Variants in SLC24A2 observed in about 807,000 individuals in gnomAD.
The protein encoded by SLC24A2 is sodium/potassium/calcium exchanger 2.
SLC24A2 carries 36 observed loss-of-function variants against 62.0 expected under a neutral mutation model. That is an observed-to-expected ratio of 0.58 (90% confidence interval 0.44 to 0.77). The LOEUF is 0.77. Among genes scored for constraint, SLC24A2 ranks in the 30% least tolerant of loss-of-function variants. The probability of loss-of-function intolerance (pLI) is 0.00; values close to 1 mark genes in which losing one functional copy is unlikely to be tolerated. For missense variants in SLC24A2, 846 were observed against 817.9 expected (o/e 1.03, Z -0.42); for synonymous variants, 358 against 294.0 (o/e 1.22, Z -2.23).
chr9:19,534,853 T>G (rs940290130), intron 8 of SLC24A2, among the ~76,000 whole-genome samples: 1 of 152,232 alleles, frequency 6.6e-6, no homozygotes, highest in East Asian at 1.9e-4. Context: ...GAATGATTTA[T>G]AATCCTTTGG....
At chr9:20,061,434 G>C in the SLC24A2 span, among the ~76,000 whole-genome samples, 1 of 152,098 alleles carries the variant, frequency 6.6e-6, no homozygotes, top group Non-Finnish European at 1.5e-5. Flanking sequence ...TTACAGGCAT[G>C]TGCCACCATG....
the SLC24A2 span, among the ~76,000 whole-genome samples, chr9:19,835,410 G>A: frequency 7.0e-6 from 1 of 143,276 alleles, no homozygotes; most frequent in Non-Finnish European, 1.6e-5. Flanking sequence ...AACAAAAAAA[G>A]GCAGGGGTTC....
chr9:19,786,545 C>T lies in SLC24A2; in HGVS notation c.322G>A (p.Glu108Lys), dbSNP rs148865349. The change falls in exon 2 of 11, where the codon GAG (glutamate) becomes AAG (lysine). Residue 108 changes from glutamate (E) to lysine (K), a missense_variant. By Grantham distance (56) the Glu-to-Lys change is moderately conservative. Transcript: ENST00000341998. The surrounding 1 kb of genome is among the most constrained non-coding windows in gnomAD (Gnocchi z 5.0). ...TPQPPLSKEGESENSTDHAQG... is the reference protein window; with the variant it reads ...TPQPPLSKEGKSENSTDHAQG... ...GCGTGATCTGTACTATTCTCAGACT[C>T]GCCTTCCTTAGAAAGAGGTGGCTGT... 94 of 1,614,056 alleles carry T rather than the reference C, an allele frequency of 5.8e-5. No homozygotes were observed. The highest frequency in any genetic ancestry group is 7.5e-5 in the Non-Finnish European group (88 of 1,180,034).
chr9:20,017,880 A>G, the SLC24A2 span, among the ~76,000 whole-genome samples: 1 of 152,168 alleles, frequency 6.6e-6, no homozygotes, highest in Non-Finnish European at 1.5e-5. Flanking sequence ...TGCCTCTCCC[A>G]ATCCACTGAC....
the SLC24A2 span, among the ~76,000 whole-genome samples, chr9:19,899,816 C>T: frequency 6.6e-6 from 1 of 152,126 alleles, no homozygotes; most frequent in African/African-American, 2.4e-5. Flanking sequence ...GGAAAAGCCC[C>T]TTATAAAACC....
At chr9:19,854,035 G>T in the SLC24A2 span, among the ~76,000 whole-genome samples, 2 of 152,124 alleles carry the variant, frequency 1.3e-5, no homozygotes, top group Non-Finnish European at 2.9e-5. Flanking sequence ...TCTTGGGAGG[G>T]TGTATGTGTC....
the SLC24A2 span, among the ~76,000 whole-genome samples, chr9:20,035,070 C>A: frequency 6.6e-6 from 1 of 151,980 alleles, no homozygotes; most frequent in Admixed American, 6.5e-5. Flanking sequence ...ATTATACTTA[C>A]AGAAATTGAG....
chr9:20,207,531 C>A, the SLC24A2 span, among the ~76,000 whole-genome samples: 1 of 152,196 alleles, frequency 6.6e-6, no homozygotes, highest in African/African-American at 2.4e-5. Flanking sequence ...CTATCCATAT[C>A]TTTTTCATTG....
intron 2 of SLC24A2, among the ~76,000 whole-genome samples, chr9:19,727,365 C>T (rs911107969): frequency 5.3e-5 from 8 of 152,086 alleles, no homozygotes; most frequent in South Asian, 2.1e-4. Context: ...CACATTAAGC[C>T]GGTGATCATT....
At chr9:19,524,715 CT>C (rs960646960) in intron 9 of SLC24A2, among the ~76,000 whole-genome samples, 4 of 152,108 alleles carry the variant, frequency 2.6e-5, no homozygotes, top group Non-Finnish European at 5.9e-5. Context: ...AAAAGTAAGG[CT>C]TCCATTTATG....
chr9:20,002,112 T>C, the SLC24A2 span, among the ~76,000 whole-genome samples: 1 of 152,184 alleles, frequency 6.6e-6, no homozygotes, highest in Non-Finnish European at 1.5e-5. Context: ...TCCACAAGGA[T>C]TGTTTTAGTA....
intron 2 of SLC24A2, among the ~76,000 whole-genome samples, chr9:19,694,515 C>A (rs377551663): frequency 6.6e-6 from 1 of 151,834 alleles, no homozygotes; most frequent in Admixed American, 6.6e-5. Context: ...AACTAGCAGG[C>A]GAAAGACTTT....
chr9:19,897,397 T>A, the SLC24A2 span, among the ~76,000 whole-genome samples: 1 of 152,146 alleles, frequency 6.6e-6, no homozygotes, highest in South Asian at 2.1e-4. Flanking sequence ...CTTTTAGACA[T>A]GTACTAAAAG....
At chr9:20,284,680 A>G in the SLC24A2 span, among the ~76,000 whole-genome samples, 1 of 152,276 alleles carries the variant, frequency 6.6e-6, no homozygotes, top group South Asian at 2.1e-4. Flanking sequence ...AGAGCTGTGA[A>G]ACTAGTAGAG....
At chr9:20,263,987 C>A in the SLC24A2 span, among the ~76,000 whole-genome samples, 1 of 151,956 alleles carries the variant, frequency 6.6e-6, no homozygotes, top group Non-Finnish European at 1.5e-5. Context: ...CTCTGCACCT[C>A]TGAGCTGGCC....
At chr9:19,572,135 T>C (rs1835853971) in intron 7 of SLC24A2, among the ~76,000 whole-genome samples, 1 of 149,488 alleles carries the variant, frequency 6.7e-6, no homozygotes, top group Non-Finnish European at 1.5e-5. Flanking sequence ...TAGCCGGGTG[T>C]GGTGGTGCGA....
the SLC24A2 span, among the ~76,000 whole-genome samples, chr9:20,264,927 T>G: frequency 9.8e-5 from 15 of 152,332 alleles, no homozygotes; most frequent in East Asian, 1.2e-3. Context: ...ACTGTTGGAC[T>G]GTTGGAGAAT....
the SLC24A2 span, among the ~76,000 whole-genome samples, chr9:19,998,926 G>GCTT: frequency 2.6e-5 from 4 of 152,228 alleles, no homozygotes; most frequent in Non-Finnish European, 5.9e-5. Context: ...GCCACCCACA[G>GCTT]AAGAATCAGA....
At chr9:19,805,112 CACA>C in the SLC24A2 span, among the ~76,000 whole-genome samples, 1 of 152,094 alleles carries the variant, frequency 6.6e-6, no homozygotes, top group Non-Finnish European at 1.5e-5. Context: ...CTCTGGTCAG[CACA>C]ACATGATATG....
Sources: allele counts gnomAD v4.1 joint callset (sites outside exome capture counted in the v4.1 genomes callset), GRCh38; gene constraint gnomAD v4.1.1; non-coding constraint Gnocchi (gnomAD v3.1); transcripts MANE v1.5; gene names NCBI Gene and HGNC (gene_info 2026-07-23, HGNC 2026-07-21).